WLS: variants seen among roughly 807,000 people sequenced by gnomAD.
WLS encodes protein wntless homolog.
Under a neutral mutation model 62.8 loss-of-function variants are expected in WLS, and 23 were observed. The ratio of observed to expected loss-of-function variants is 0.37; its 90% confidence interval spans 0.26 to 0.52. The LOEUF is 0.52. Ranked by LOEUF, WLS falls within the 20% of genes least tolerant of loss-of-function variation. WLS has a pLI of 0.92. For synonymous variants in WLS, 246 were observed against 244.1 expected, an observed-to-expected ratio of 1.01 and a Z score of -0.07; for missense variants, 615 against 697.3, an observed-to-expected ratio of 0.88 and a Z score of 1.33.
At chr1:68,163,796 G>A (rs973473819) in intron 2 of WLS, among the ~76,000 whole-genome samples, 1 of 152,276 alleles carries the variant, frequency 6.6e-6, no homozygotes, top group African/African-American at 2.4e-5. Flanking sequence ...CTCCTCCAGG[G>A]CTGCGACAAG....
Position 68,232,224 on chromosome 1 carries a change from T to G in WLS, c.76A>C (p.Ile26Leu). Residue 26 changes from isoleucine (I) to leucine (L), a missense_variant, in exon 1 of 12, where the codon ATC becomes CTC. Coordinates refer to ENST00000262348, the MANE Select transcript of WLS (RefSeq NM_024911.7). Reference protein sequence around the residue: ...IVGGILLVFQIIAFLVGGLIA... With the variant: ...IVGGILLVFQLIAFLVGGLIA... ...AAGCCTCCCACCAGAAAGGCGATGA[T>G]TTGGAACACGAGCAGAATCCCACCA... The G allele has an allele frequency of 6.2e-7, 1 of 1,614,122 alleles. No individual in the cohort carries two copies.
chr1:68,214,794 T>A (rs1048151131), intron 1 of WLS, among the ~76,000 whole-genome samples: 4 of 152,192 alleles, frequency 2.6e-5, no homozygotes, highest in Admixed American at 1.3e-4. Flanking sequence ...GATAAAGCAG[T>A]CTTCTAGTGG....
intron 11 of WLS, among the ~76,000 whole-genome samples, chr1:68,111,507 G>T: frequency 6.6e-6 from 1 of 152,196 alleles, no homozygotes. Flanking sequence ...ATTTAAACAC[G>T]GAGGAGGGAT....
chr1:68,146,328 C>T (rs757599574), intron 8 of WLS, among the ~76,000 whole-genome samples: 39 of 152,106 alleles, frequency 2.6e-4, no homozygotes, highest in Non-Finnish European at 5.0e-4. Flanking sequence ...TTAACCAGGT[C>T]CCCAGGAGAT....
intron 2 of WLS, among the ~76,000 whole-genome samples, chr1:68,187,150 C>T (rs2100584896): frequency 7.4e-6 from 1 of 134,626 alleles, no homozygotes; most frequent in African/African-American, 2.9e-5. Context: ...GATCGTGCCA[C>T]TGCACTCCAG....
chr1:68,121,041 A>G (rs1214034591), downstream of WLS: 1 of 152,226 alleles, frequency 6.6e-6, no homozygotes, highest in Non-Finnish European at 1.5e-5. Flanking sequence ...AATTTTTAAA[A>G]CTAAGTATTT....
At chr1:68,159,379 C>G (rs1261323209) in intron 2 of WLS, 132 bp from the exon 3 acceptor site, 10 of 1,212,650 alleles carry the variant, frequency 8.2e-6, no homozygotes, top group Non-Finnish European at 1.0e-5. Context: ...CTATCAAACT[C>G]CAAACCTGAA....
chr1:68,098,687 A>G, exon 12 of WLS: 1 of 1,614,080 alleles, frequency 6.2e-7, no homozygotes, highest in Non-Finnish European at 8.5e-7. Context: ...AGCGCTGAAC[A>G]ATTCTTGATA....
chr1:68,198,149 A>G (rs1340025893), intron 1 of WLS, among the ~76,000 whole-genome samples: 1 of 152,196 alleles, frequency 6.6e-6, no homozygotes, highest in Non-Finnish European at 1.5e-5. Context: ...TTAACTGAAA[A>G]CAAGTAGGCC....
At chr1:68,188,097 A>G (rs541800766) in intron 2 of WLS, among the ~76,000 whole-genome samples, 1 of 152,320 alleles carries the variant, frequency 6.6e-6, no homozygotes, top group South Asian at 2.1e-4. Flanking sequence ...AACCTGTGGC[A>G]AGTACCTGCC....
At chr1:68,132,294 G>T (rs1489107810) in intron 11 of WLS, among the ~76,000 whole-genome samples, 15 of 152,162 alleles carry the variant, frequency 9.9e-5, no homozygotes, top group Admixed American at 9.8e-4. Context: ...ATGGGAAAAC[G>T]CTTTTAAGAC....
intron 2 of WLS, 86 bp from the exon 3 acceptor site, chr1:68,159,333 T>C (rs1005156268): frequency 2.0e-6 from 3 of 1,506,242 alleles, no homozygotes; most frequent in Non-Finnish European, 9.0e-7. Context: ...AGGCTTTGAC[T>C]TGGAAACCAA....
At chr1:68,205,436 T>C (rs1001561313) in intron 1 of WLS, among the ~76,000 whole-genome samples, 5 of 152,206 alleles carry the variant, frequency 3.3e-5, no homozygotes, top group African/African-American at 1.2e-4. Context: ...GTGGCCAACA[T>C]TAATATTGCA....
chr1:68,180,939 C>G (rs1285927061), intron 2 of WLS, among the ~76,000 whole-genome samples: 1 of 152,192 alleles, frequency 6.6e-6, no homozygotes, highest in Non-Finnish European at 1.5e-5. Flanking sequence ...TTACTAATGA[C>G]TCACTAAAGC....
chr1:68,197,329 C>A (rs895871352), intron 1 of WLS, among the ~76,000 whole-genome samples: 5 of 152,026 alleles, frequency 3.3e-5, no homozygotes, highest in Non-Finnish European at 7.4e-5. Flanking sequence ...GAAAAAAAAT[C>A]CCAGAAATAC....
At chr1:68,117,925 T>C (rs1646314102) in intron 11 of WLS, among the ~76,000 whole-genome samples, 1 of 152,160 alleles carries the variant, frequency 6.6e-6, no homozygotes, top group African/African-American at 2.4e-5. Flanking sequence ...GGAAAAAATA[T>C]TTAATTGGTC....
chr1:68,123,377 C>T (rs1251572382), downstream of WLS, among the ~76,000 whole-genome samples: 4 of 152,022 alleles, frequency 2.6e-5, no homozygotes, highest in African/African-American at 9.6e-5. Context: ...CTGATTTATC[C>T]ACCTTATCTT....
intron 2 of WLS, among the ~76,000 whole-genome samples, chr1:68,193,662 T>C (rs1319740371): frequency 6.6e-6 from 1 of 152,098 alleles, no homozygotes; most frequent in African/African-American, 2.4e-5. Context: ...TAGGGCAGTT[T>C]TCTGAGTCAG....
chr1:68,183,851 G>T (rs1268691273), intron 2 of WLS, among the ~76,000 whole-genome samples: 1 of 152,032 alleles, frequency 6.6e-6, no homozygotes, highest in East Asian at 1.9e-4. Flanking sequence ...CTAGAAATTT[G>T]TTATACAGAA....
Sources: allele counts gnomAD v4.1 joint callset (sites outside exome capture counted in the v4.1 genomes callset), GRCh38; gene constraint gnomAD v4.1.1; transcripts MANE v1.5; gene names NCBI Gene and HGNC (gene_info 2026-07-23, HGNC 2026-07-21).